Variants in UNC5C observed in about 807,000 individuals in gnomAD.
UNC5C encodes the protein netrin receptor UNC5C.
UNC5C carries 47 observed loss-of-function variants against 99.8 expected under a neutral mutation model. That is an observed-to-expected ratio of 0.47 (90% CI 0.37 to 0.60). The LOEUF is 0.60. Among genes scored for constraint, UNC5C ranks in the 20% least tolerant of loss-of-function variants. The pLI is 0.00. For missense variants in UNC5C, 1,062 were observed against 1,165.9 expected, an observed-to-expected ratio of 0.91 and a Z score of 1.30; for synonymous variants, 487 against 452.2, an observed-to-expected ratio of 1.08 and a Z score of -0.98.
intron 1 of UNC5C, among the ~76,000 whole-genome samples, chr4:95,481,306 T>A (rs112323541): frequency 0.26 from 40,099 of 151,690 alleles, 6,469 homozygotes; most frequent in Non-Finnish European, 0.35. Context: ...TTAAAAGGGA[T>A]GTGAAGGACC....
chr4:95,510,899 A>T (rs2149487359), intron 1 of UNC5C, among the ~76,000 whole-genome samples: 1 of 152,268 alleles, frequency 6.6e-6, no homozygotes, highest in Admixed American at 6.5e-5. Context: ...GGATCCACAT[A>T]TGAAGAAAAA....
At position 95,438,430 on chromosome 4, in the gene UNC5C, C is replaced by T. The variant is rs140003128; in HGVS notation, c.125-102799G>A. Among the ~76,000 whole-genome samples, 1,109 of 112,682 alleles carry T rather than the reference C, an allele frequency of 9.8e-3. 17 individuals carry two copies. Among genetic ancestry groups the T allele is most frequent in the African/African-American group, 0.031 (998 of 31,838 alleles). The allele number at this position is 112,682 out of a possible 152,430, so 73.9% of individuals were successfully genotyped here. Reference sequence around the variant, plus strand: ...TTATTTAATAATTCAACTATAGGAACGTCTCTTTTTGAAAATATCATATAA... The same window carrying T: ...TTATTTAATAATTCAACTATAGGAATGTCTCTTTTTGAAAATATCATATAA... On this transcript the variant is annotated intron_variant, in intron 1 of 15. Coordinates refer to ENST00000453304, the MANE Select transcript of UNC5C (RefSeq NM_003728.4).
intron 2 of UNC5C, among the ~76,000 whole-genome samples, chr4:95,306,293 C>T (rs1351715400): frequency 1.3e-5 from 2 of 152,148 alleles, no homozygotes; most frequent in Non-Finnish European, 2.9e-5. Context: ...AGCTCTGCCT[C>T]CCGGGTTCAC....
At chr4:95,433,100 C>G (rs982117550) in intron 1 of UNC5C, among the ~76,000 whole-genome samples, 1 of 152,086 alleles carries the variant, frequency 6.6e-6, no homozygotes, top group African/African-American at 2.4e-5. Flanking sequence ...CACCTCCTTT[C>G]TGCCACACTG....
chr4:95,365,319 A>T (rs1275000590), intron 1 of UNC5C, among the ~76,000 whole-genome samples: 2 of 148,186 alleles, frequency 1.3e-5, no homozygotes, highest in Non-Finnish European at 3.0e-5. Flanking sequence ...AAAGAAAAGA[A>T]ATAAAGAAAA....
At chr4:95,245,911 TAAAC>T (rs1739487613) in intron 5 of UNC5C, among the ~76,000 whole-genome samples, 1 of 152,232 alleles carries the variant, frequency 6.6e-6, no homozygotes. Flanking sequence ...ATATTGTAAT[TAAAC>T]AATTTCTAAC....
chr4:95,416,079 A>G (rs1746156321), intron 1 of UNC5C, among the ~76,000 whole-genome samples: 1 of 152,168 alleles, frequency 6.6e-6, no homozygotes, highest in Non-Finnish European at 1.5e-5. Context: ...GAATACATTT[A>G]TTTGTGAATG....
chr4:95,520,126 A>G (rs1012575316), intron 1 of UNC5C, among the ~76,000 whole-genome samples: 3 of 152,214 alleles, frequency 2.0e-5, no homozygotes, highest in African/African-American at 7.2e-5. Flanking sequence ...CCAAGGTCAC[A>G]GAGCTTATCA....
intron 4 of UNC5C, among the ~76,000 whole-genome samples, chr4:95,261,344 T>G (rs1740219067): frequency 6.6e-6 from 1 of 152,178 alleles, no homozygotes. Context: ...AGCAGTAGAA[T>G]TGGGTGTGCT....
At chr4:95,529,196 T>C (rs931078435) in intron 1 of UNC5C, among the ~76,000 whole-genome samples, 2 of 151,224 alleles carry the variant, frequency 1.3e-5, no homozygotes, top group Non-Finnish European at 2.9e-5. Context: ...AGAATTGGAT[T>C]CATCTCAGCT....
In UNC5C at chr4:95,508,179, C is replaced by A. The variant is rs115782325; in HGVS notation, c.124+40555G>T. ...TTTAAAGGCAACAATTCTGGAATTA[C>A]ACTGCTTAGGGATCTACACATGCCA... On this transcript the variant is annotated intron_variant, in intron 1 of 15. Coordinates refer to ENST00000453304, the MANE Select transcript of UNC5C (RefSeq NM_003728.4). Among the ~76,000 whole-genome samples the A allele has an allele frequency of 9.0e-3, 1,292 of 143,956 alleles. 20 individuals carry two copies. Among genetic ancestry groups the A allele is most frequent in the African/African-American group, 0.032 (1,247 of 38,940 alleles). The allele number at this position is 143,956 out of a possible 152,430, so 94.4% of individuals were successfully genotyped here. A position where few individuals can be genotyped will look rare whatever the true frequency, so the allele number is the denominator to read the frequency against.
At chr4:95,433,186 T>G (rs1746680084) in intron 1 of UNC5C, among the ~76,000 whole-genome samples, 1 of 152,122 alleles carries the variant, frequency 6.6e-6, no homozygotes, top group Admixed American at 6.6e-5. Context: ...GTCAAAGAAA[T>G]ACCTCATCAA....
intron 14 of UNC5C, among the ~76,000 whole-genome samples, chr4:95,181,365 G>A (rs965761993): frequency 2.0e-5 from 3 of 152,136 alleles, no homozygotes; most frequent in African/African-American, 7.2e-5. Context: ...CCCTGGCGCG[G>A]GAGAGCACAG....
chr4:95,247,491 G>A (rs1178207618), intron 5 of UNC5C, among the ~76,000 whole-genome samples: 2 of 152,116 alleles, frequency 1.3e-5, no homozygotes, highest in Non-Finnish European at 2.9e-5. Context: ...TATATGTACT[G>A]TTCTGCTGGG....
At chr4:95,275,623 A>G (rs1258220375) in intron 4 of UNC5C, among the ~76,000 whole-genome samples, 2 of 152,216 alleles carry the variant, frequency 1.3e-5, no homozygotes, top group Non-Finnish European at 2.9e-5. Context: ...AAATATTATT[A>G]CCTTAGAAAT....
At chr4:95,274,989 G>A (rs1011866111) in intron 4 of UNC5C, among the ~76,000 whole-genome samples, 2 of 149,154 alleles carry the variant, frequency 1.3e-5, no homozygotes, top group Non-Finnish European at 2.9e-5. Context: ...TCACGCCACT[G>A]CACTCCAGTC....
At chr4:95,392,183 T>A (rs1283373885) in intron 1 of UNC5C, among the ~76,000 whole-genome samples, 1 of 152,114 alleles carries the variant, frequency 6.6e-6, no homozygotes, top group African/African-American at 2.4e-5. Context: ...GTTTAAAAAA[T>A]TACCCAATTT....
At chr4:95,225,380 T>G (rs2149370593) in intron 7 of UNC5C, among the ~76,000 whole-genome samples, 1 of 152,222 alleles carries the variant, frequency 6.6e-6, no homozygotes. Context: ...TTGATTTTAT[T>G]CTAAGTGAAA....
intron 3 of UNC5C, among the ~76,000 whole-genome samples, chr4:95,291,944 T>C (rs986995108): frequency 6.6e-6 from 1 of 152,024 alleles, no homozygotes; most frequent in Non-Finnish European, 1.5e-5. Flanking sequence ...TATTCTGGTG[T>C]ACAGGGGAGC....
Sources: gnomAD v4.1 joint callset for allele counts (sites outside exome capture counted in the v4.1 genomes callset) on GRCh38, gnomAD v4.1.1 for gene constraint, MANE v1.5 for transcripts, NCBI Gene and HGNC (gene_info 2026-07-23, HGNC 2026-07-21) for gene names.